DNM3: variants seen among roughly 807,000 people sequenced by gnomAD.
The protein encoded by DNM3 is dynamin-3.
Under a neutral mutation model 101.6 loss-of-function variants are expected in DNM3, and 47 were observed. The ratio of observed to expected loss-of-function variants is 0.46; its 90% CI spans 0.37 to 0.59. The LOEUF (loss-of-function observed/expected upper bound fraction) is 0.59, where lower values mean the gene tolerates loss of function less well. Ranked by LOEUF, DNM3 falls within the 20% of genes least tolerant of loss-of-function variation. The pLI, the probability that DNM3 is intolerant of heterozygous loss-of-function variation, is 0.00. For synonymous variants in DNM3, 385 were observed against 387.9 expected (o/e 0.99, Z 0.09); for missense variants, 849 against 1,085.7 (o/e 0.78, Z 3.06).
chr1:172,409,590 T>A lies in DNM3; in HGVS notation c.*1749T>A. On this transcript the variant is annotated 3_prime_UTR_variant, in exon 21 of 21. Coordinates refer to ENST00000627582, the MANE Select transcript of DNM3 (RefSeq NM_015569.5). Reference sequence around the variant, plus strand: ...TCGTATCTCACCCCAAACCCCAAACTGGGGGAAAAAAAGTTAACTCTTTGT... The same window carrying A: ...TCGTATCTCACCCCAAACCCCAAACAGGGGGAAAAAAAGTTAACTCTTTGT... The A allele has an allele frequency of 1.0e-6, 1 of 985,252 alleles. No homozygotes were observed. Among genetic ancestry groups the A allele is most frequent in the Non-Finnish European group, 1.2e-6 (1 of 829,812 alleles). 61.0% of individuals were successfully genotyped at this position (985,252 alleles called of 1,614,324 possible).
At chr1:172,074,469 C>T (rs763547927) in intron 11 of DNM3, among the ~76,000 whole-genome samples, 3 of 152,068 alleles carry the variant, frequency 2.0e-5, no homozygotes, top group Admixed American at 6.5e-5. Flanking sequence ...TCCCCTAGCC[C>T]CCCACCCCCA....
chr1:172,272,670 G>A (rs1557913075), intron 15 of DNM3, among the ~76,000 whole-genome samples: 1 of 152,090 alleles, frequency 6.6e-6, no homozygotes, highest in South Asian at 2.1e-4. Context: ...CTTTAGACTT[G>A]TCCATTTTAG....
rs145722146 is a variant in DNM3, at chr1:172,165,456, T to C, written c.1659+34168T>C. ...AAACTCTTAGTGACTTCTTATAATT[T>C]ATAGGTTGCAGTTCAAATTTGTTAG... On this transcript the variant is annotated intron_variant, in intron 14 of 20. Coordinates refer to ENST00000627582, the MANE Select transcript of DNM3 (RefSeq NM_015569.5). Among the ~76,000 whole-genome samples, 182 of 152,214 alleles carry C rather than the reference T, an allele frequency of 1.2e-3. 1 individual carries two copies. Among genetic ancestry groups the C allele is most frequent in the African/African-American group, 4.0e-3 (168 of 41,564 alleles).
intron 2 of DNM3, among the ~76,000 whole-genome samples, chr1:171,947,406 T>A (rs988309829): frequency 1.3e-5 from 2 of 152,200 alleles, no homozygotes; most frequent in African/African-American, 4.8e-5. Context: ...ATGTGCATTA[T>A]CCATCAAGGC....
intron 6 of DNM3, among the ~76,000 whole-genome samples, chr1:172,037,240 C>T (rs1004700426): frequency 3.2e-4 from 48 of 152,168 alleles, no homozygotes; most frequent in African/African-American, 1.1e-3. Flanking sequence ...CTTGATTCCT[C>T]AGGGATCTAG....
At chr1:172,367,066 C>T (rs1236778005) in intron 17 of DNM3, among the ~76,000 whole-genome samples, 1 of 151,658 alleles carries the variant, frequency 6.6e-6, no homozygotes, top group African/African-American at 2.4e-5. Context: ...GTCAAAGTAA[C>T]AAAAGTCAAA....
intron 14 of DNM3, among the ~76,000 whole-genome samples, chr1:172,149,889 G>A (rs569591674): frequency 2.6e-5 from 4 of 152,158 alleles, no homozygotes; most frequent in Admixed American, 6.5e-5. Context: ...AAGCATAATG[G>A]CTACAAGGAA....
chr1:172,011,901 T>C (rs1280036452), intron 4 of DNM3, among the ~76,000 whole-genome samples: 1 of 152,082 alleles, frequency 6.6e-6, no homozygotes, highest in Non-Finnish European at 1.5e-5. Flanking sequence ...TCAAGACAAA[T>C]TGACATTCTG....
intron 1 of DNM3, among the ~76,000 whole-genome samples, chr1:171,850,204 T>C (rs996390309): frequency 1.3e-5 from 2 of 152,200 alleles, no homozygotes; most frequent in African/African-American, 4.8e-5. Flanking sequence ...GTACCAACAT[T>C]TTTGTAGTAG....
chr1:172,165,128 T>C (rs2058699689), intron 14 of DNM3, among the ~76,000 whole-genome samples: 1 of 152,052 alleles, frequency 6.6e-6, no homozygotes, highest in Admixed American at 6.6e-5. Flanking sequence ...TATGTGCATG[T>C]TAAAGACCTA....
At chr1:172,249,187 T>C (rs1427142489) in intron 14 of DNM3, among the ~76,000 whole-genome samples, 2 of 152,174 alleles carry the variant, frequency 1.3e-5, no homozygotes, top group Admixed American at 6.5e-5. Flanking sequence ...CTAAGTTATA[T>C]TGATGGTGCT....
intron 2 of DNM3, among the ~76,000 whole-genome samples, chr1:171,947,176 A>G (rs1241971945): frequency 6.6e-6 from 1 of 152,200 alleles, no homozygotes; most frequent in Non-Finnish European, 1.5e-5. Context: ...AACAGGGAAC[A>G]GATAGCTATT....
intron 20 of DNM3, chr1:172,393,479 G>A (rs1048125933): frequency 6.6e-6 from 1 of 152,646 alleles, no homozygotes; most frequent in African/African-American, 2.4e-5. Flanking sequence ...AAGCTGCTGA[G>A]CCCTGAAGTC....
intron 2 of DNM3, among the ~76,000 whole-genome samples, chr1:171,925,419 A>G (rs1371880052): frequency 6.6e-6 from 1 of 151,344 alleles, no homozygotes; most frequent in East Asian, 2.0e-4. Context: ...TTTAGTAGAG[A>G]TGGGGTTTCA....
chr1:172,221,263 C>A (rs1046488243), intron 14 of DNM3, among the ~76,000 whole-genome samples: 1 of 152,070 alleles, frequency 6.6e-6, no homozygotes, highest in Non-Finnish European at 1.5e-5. Flanking sequence ...ATCTTCTCAA[C>A]CAAAAACAAC....
chr1:172,247,656 C>CTTACT (rs142204811), intron 14 of DNM3, among the ~76,000 whole-genome samples: 2 of 135,330 alleles, frequency 1.5e-5, no homozygotes, highest in South Asian at 2.4e-4. Flanking sequence ...ATTATTATTT[C>CTTACT]TTATTTATTT....
chr1:172,149,609 T>G (rs972148359), intron 14 of DNM3, among the ~76,000 whole-genome samples: 3 of 152,110 alleles, frequency 2.0e-5, no homozygotes, highest in Non-Finnish European at 4.4e-5. Context: ...TCCCGTTGAA[T>G]TCCATGTTAC....
intron 14 of DNM3, among the ~76,000 whole-genome samples, chr1:172,158,414 A>G (rs1333959402): frequency 2.0e-5 from 3 of 152,026 alleles, no homozygotes; most frequent in Admixed American, 2.0e-4. Flanking sequence ...TGAAAAAAGG[A>G]GAACATTCCT....
intron 11 of DNM3, among the ~76,000 whole-genome samples, chr1:172,069,936 G>A (rs10797745): frequency 0.076 from 11,577 of 152,112 alleles, 691 homozygotes; most frequent in East Asian, 0.22. Flanking sequence ...AAAACCACAG[G>A]GAGAGACACA....
Sources: gnomAD v4.1 joint callset for allele counts (sites outside exome capture counted in the v4.1 genomes callset) on GRCh38, gnomAD v4.1.1 for gene constraint, MANE v1.5 for transcripts, NCBI Gene and HGNC (gene_info 2026-07-23, HGNC 2026-07-21) for gene names.